AGBL4: variants seen among roughly 807,000 people sequenced by gnomAD.
AGBL4 encodes cytosolic carboxypeptidase 6.
AGBL4 carries 58 observed loss-of-function variants against 66.4 expected under a neutral mutation model. The observed-to-expected ratio is 0.87, with a 90% CI of 0.71 to 1.09. The LOEUF (loss-of-function observed/expected upper bound fraction) is 1.09, where lower values mean the gene tolerates loss of function less well. Ranked by LOEUF, AGBL4 falls within the 50% of genes least tolerant of loss-of-function variation. The pLI is 0.00. For missense variants in AGBL4, 579 were observed against 631.0 expected, an observed-to-expected ratio of 0.92 and a Z score of 0.88; for synonymous variants, 234 against 222.9, an observed-to-expected ratio of 1.05 and a Z score of -0.44.
At chr1:49,512,540 C>T (rs1649366233) in intron 3 of AGBL4, among the ~76,000 whole-genome samples, 1 of 151,620 alleles carries the variant, frequency 6.6e-6, no homozygotes. Context: ...TGTGGCATTT[C>T]CTGCCACCCC....
intron 2 of AGBL4, among the ~76,000 whole-genome samples, chr1:49,769,783 A>C (rs1229020558): frequency 1.3e-5 from 2 of 152,208 alleles, no homozygotes; most frequent in Admixed American, 6.5e-5. Flanking sequence ...ACTGATCCCT[A>C]CCTATCAAGT....
At chr1:49,836,552 AC>A (rs1319815005) in intron 2 of AGBL4, among the ~76,000 whole-genome samples, 1 of 151,960 alleles carries the variant, frequency 6.6e-6, no homozygotes, top group Non-Finnish European at 1.5e-5. Context: ...GTTTATTATT[AC>A]CCACCTTCTG....
intron 9 of AGBL4, among the ~76,000 whole-genome samples, chr1:48,611,624 A>G (rs1211280516): frequency 2.0e-5 from 3 of 152,212 alleles, no homozygotes; most frequent in Non-Finnish European, 4.4e-5. Flanking sequence ...TTTAATTTTC[A>G]CATAAGCCAG....
chr1:48,546,986 G>A (rs1022211022), intron 11 of AGBL4, among the ~76,000 whole-genome samples: 2 of 152,034 alleles, frequency 1.3e-5, no homozygotes, highest in Non-Finnish European at 2.9e-5. Flanking sequence ...GCCTCTCTGA[G>A]GAGGGGATAT....
chr1:49,303,591 T>C (rs1351001903), intron 3 of AGBL4, among the ~76,000 whole-genome samples: 1 of 152,014 alleles, frequency 6.6e-6, no homozygotes, highest in African/African-American at 2.4e-5. Flanking sequence ...TAGCTGGGAT[T>C]AAAGGTGTGA....
chr1:49,529,959 T>C (rs1650964368), intron 3 of AGBL4, among the ~76,000 whole-genome samples: 1 of 151,460 alleles, frequency 6.6e-6, no homozygotes, highest in Non-Finnish European at 1.5e-5. Context: ...GAAAAGGAGA[T>C]GGGAATGGAG....
At chr1:49,237,283 C>A (rs191119562) in intron 4 of AGBL4, among the ~76,000 whole-genome samples, 1,787 of 148,424 alleles carry the variant, frequency 0.012, 14 homozygotes, top group African/African-American at 0.018. Context: ...AAAAAAAAAA[C>A]CCCCCAAAAA....
At position 49,799,214 on chromosome 1, in the gene AGBL4, C is replaced by G. The variant is rs188459976; in HGVS notation, c.157+52182G>C. Among the ~76,000 whole-genome samples the G allele has an allele frequency of 1.2e-3, 186 of 152,138 alleles. 1 individual carries two copies. Among genetic ancestry groups the G allele is most frequent in the African/African-American group, 4.0e-3 (165 of 41,528 alleles). On this transcript the variant is annotated intron_variant, in intron 2 of 13. Transcript: ENST00000371839. The stretch of plus-strand genomic sequence containing the variant: ...TTAAAATATATGACTTTCTCTGTCA[C>G]TCTAATAATTAGGCCTACTTCACTA...
At chr1:49,385,681 C>G (rs1346066491) in intron 3 of AGBL4, among the ~76,000 whole-genome samples, 1 of 151,900 alleles carries the variant, frequency 6.6e-6, no homozygotes, top group Non-Finnish European at 1.5e-5. Flanking sequence ...TGAAATTATT[C>G]TTTAGCCTTA....
At chr1:49,742,539 T>C (rs1021697048) in intron 2 of AGBL4, among the ~76,000 whole-genome samples, 2 of 151,416 alleles carry the variant, frequency 1.3e-5, no homozygotes, top group African/African-American at 4.9e-5. Context: ...TTCACAGAAT[T>C]GGAAAAAACT....
chr1:48,761,067 C>T (rs1280952105), intron 6 of AGBL4: 6 of 329,790 alleles, frequency 1.8e-5, no homozygotes, highest in East Asian at 5.5e-5. Flanking sequence ...AGAAACACAC[C>T]GTTCCAAACC....
intron 5 of AGBL4, among the ~76,000 whole-genome samples, chr1:48,897,280 A>G (rs1651610162): frequency 6.6e-6 from 1 of 152,194 alleles, no homozygotes; most frequent in African/African-American, 2.4e-5. Context: ...AGTGGTCTCC[A>G]GTATCATCCA....
chr1:49,605,542 T>C (rs894805641), intron 3 of AGBL4, among the ~76,000 whole-genome samples: 2 of 152,178 alleles, frequency 1.3e-5, no homozygotes, highest in African/African-American at 2.4e-5. Flanking sequence ...AGGTAAAACA[T>C]GTATTAGTTT....
chr1:48,818,902 T>C (rs963418059), intron 6 of AGBL4, among the ~76,000 whole-genome samples: 2 of 152,184 alleles, frequency 1.3e-5, no homozygotes, highest in Admixed American at 6.5e-5. Flanking sequence ...TTTGTCATAA[T>C]GGCAACCCCA....
At chr1:49,680,624 T>C (rs1646674708) in intron 3 of AGBL4, among the ~76,000 whole-genome samples, 1 of 152,120 alleles carries the variant, frequency 6.6e-6, no homozygotes, top group Non-Finnish European at 1.5e-5. Context: ...TAAGCATTTC[T>C]TTCCTCTGTT....
At position 49,334,613 on chromosome 1, in the gene AGBL4, A is replaced by G. The variant is rs531109333; in HGVS notation, c.283-88749T>C. ...TGAGTTAAGATTTAATGAAGATCGT[A>G]TGGTCAGAAATTAAACCCATAGGCT... On this transcript the variant is annotated intron_variant, in intron 3 of 13. Coordinates refer to ENST00000371839, the MANE Select transcript of AGBL4 (RefSeq NM_032785.4). 5.4e-4 allele frequency among the ~76,000 whole-genome samples: 83 copies of G among 152,306 alleles called. 2 individuals are homozygous for G. Among genetic ancestry groups the G allele is most frequent in the African/African-American group, 1.9e-3 (79 of 41,572 alleles).
intron 3 of AGBL4, among the ~76,000 whole-genome samples, chr1:49,609,633 T>C (rs185898021): frequency 5.0e-4 from 76 of 152,234 alleles, no homozygotes; most frequent in Middle Eastern, 3.4e-3. Context: ...CAGGGGTACA[T>C]GTACAGGTTG....
intron 9 of AGBL4, among the ~76,000 whole-genome samples, chr1:48,598,358 G>A (rs961053107): frequency 1.3e-5 from 2 of 152,142 alleles, no homozygotes; most frequent in African/African-American, 2.4e-5. Context: ...TTTCATCATT[G>A]TGTGACCATC....
At chr1:49,416,096 A>G (rs1460010852) in intron 3 of AGBL4, among the ~76,000 whole-genome samples, 2 of 152,106 alleles carry the variant, frequency 1.3e-5, no homozygotes, top group Non-Finnish European at 2.9e-5. Flanking sequence ...TTATATGAAT[A>G]TAGTCTTTGT....
Sources: gnomAD v4.1 joint callset for allele counts (sites outside exome capture counted in the v4.1 genomes callset) on GRCh38, gnomAD v4.1.1 for gene constraint, MANE v1.5 for transcripts, NCBI Gene and HGNC (gene_info 2026-07-23, HGNC 2026-07-21) for gene names.